PPP2R3A: variants seen among roughly 807,000 people sequenced by gnomAD.
The protein encoded by PPP2R3A is serine/threonine-protein phosphatase 2A regulatory subunit B'' subunit alpha.
PPP2R3A carries 80 observed loss-of-function variants against 106.9 expected under a neutral mutation model. The observed-to-expected ratio is 0.75, with a 90% confidence interval of 0.62 to 0.90. The LOEUF is 0.90. Ranked by LOEUF, PPP2R3A falls within the 40% of genes least tolerant of loss-of-function variation. PPP2R3A has a pLI of 0.00. For missense variants in PPP2R3A, 1,386 were observed against 1,350.4 expected, an observed-to-expected ratio of 1.03 and a Z score of -0.41; for synonymous variants, 483 against 468.3, an observed-to-expected ratio of 1.03 and a Z score of -0.41.
intron 10 of PPP2R3A, among the ~76,000 whole-genome samples, chr3:136,095,575 T>C (rs1000233704): frequency 3.9e-5 from 6 of 152,194 alleles, no homozygotes; most frequent in African/African-American, 1.4e-4. Flanking sequence ...TCTACCACTA[T>C]ATGGCCTGTC....
chr3:136,026,900 C>T lies in PPP2R3A; in HGVS notation c.2064C>T (p.Pro688=), dbSNP rs767422719. 1.9e-6 allele frequency: 3 copies of T among 1,612,876 alleles called. No homozygotes were observed. In the African/African-American group the frequency reaches 4.0e-5, roughly 22 times the overall value. ...LPPPATSPSS[P]RPLSPVPHVN... ...CTCCAGCCACCTCTCCAAGTAGTCC[C>T]CGACCTCTCTCCCCGGTTCCCCATG... is the stretch of plus-strand genomic sequence containing the variant. Residue 688 remains proline, a synonymous_variant, in exon 3 of 14, where the codon CCC becomes CCT. Transcript: ENST00000264977.
chr3:136,001,271 A>G lies in PPP2R3A; in HGVS notation c.-228A>G. On this transcript the variant is annotated 5_prime_UTR_variant, in exon 2 of 14. Coordinates refer to ENST00000264977, the MANE Select transcript of PPP2R3A (RefSeq NM_002718.5). ...ATTACTAAATAAAATTAAAAAGCAC[A>G]ATTATTAAATTATTAAATTTGCCAC... 2.1e-6 allele frequency: 1 copy of G among 471,566 alleles called. No individual in the cohort carries two copies. The highest frequency in any genetic ancestry group is 3.7e-6 in the Non-Finnish European group (1 of 270,292). The allele number at this position is 471,566 out of a possible 1,614,324, so 29.2% of individuals were successfully genotyped here.
chr3:136,022,998 G>T, intron 2 of PPP2R3A: 1 of 1,585,500 alleles, frequency 6.3e-7, no homozygotes, highest in Non-Finnish European at 8.5e-7. Flanking sequence ...TGACAAGATT[G>T]ACAACTTGCT....
chr3:136,092,377 A>G (rs1167251971), intron 10 of PPP2R3A, among the ~76,000 whole-genome samples: 1 of 152,154 alleles, frequency 6.6e-6, no homozygotes, highest in Middle Eastern at 3.2e-3. Flanking sequence ...AAGACATCCC[A>G]TGTTCATGGA....
rs1437991663 is a variant in PPP2R3A, at chr3:136,001,602, G to C, written c.104G>C (p.Cys35Ser). The change falls in exon 2 of 14, where the codon TGC (cysteine) becomes TCC (serine). Residue 35 changes from cysteine (C) to serine (S), a missense_variant. Coordinates refer to ENST00000264977, the MANE Select transcript of PPP2R3A (RefSeq NM_002718.5). The stretch of plus-strand genomic sequence containing the variant: ...GCTATACATTATTGCACTGGAACCT[G>C]CCACACCTTCACACATGGAATTGAC... ...EQAIHYCTGTCHTFTHGIDCI... is the reference protein window; with the variant it reads ...EQAIHYCTGTSHTFTHGIDCI... 3 of 1,614,176 alleles carry C rather than the reference G, an allele frequency of 1.9e-6. No individual in the cohort carries two copies. Among genetic ancestry groups the C allele is most frequent in the Non-Finnish European group, 2.5e-6 (3 of 1,180,018 alleles).
chr3:136,057,780 C>G (rs1235225716), intron 5 of PPP2R3A, among the ~76,000 whole-genome samples: 1 of 151,962 alleles, frequency 6.6e-6, no homozygotes, highest in African/African-American at 2.4e-5. Flanking sequence ...TGGTTATTAT[C>G]AAAAAGACGA....
intron 10 of PPP2R3A, among the ~76,000 whole-genome samples, chr3:136,097,634 A>G (rs1937246967): frequency 6.6e-6 from 1 of 152,228 alleles, no homozygotes; most frequent in Admixed American, 6.5e-5. Flanking sequence ...TCTATTTCAC[A>G]GTAAAATAAG....
chr3:136,047,793 T>G (rs1437387117), intron 4 of PPP2R3A, among the ~76,000 whole-genome samples: 1 of 151,938 alleles, frequency 6.6e-6, no homozygotes, highest in Non-Finnish European at 1.5e-5. Context: ...TAGTCCCAGC[T>G]ACTTGGGAGG....
At chr3:135,986,125 C>G (rs535899479) in intron 1 of PPP2R3A, among the ~76,000 whole-genome samples, 1 of 152,056 alleles carries the variant, frequency 6.6e-6, no homozygotes, top group Non-Finnish European at 1.5e-5. Context: ...AAAAGGGATA[C>G]AGGGAAAGCA....
intron 13 of PPP2R3A, among the ~76,000 whole-genome samples, chr3:136,132,173 AC>A (rs904654199): frequency 3.6e-4 from 55 of 152,222 alleles, no homozygotes; most frequent in Non-Finnish European, 7.4e-4. Context: ...TAAAAAAAAA[AC>A]GAATGCCTTT....
intron 2 of PPP2R3A, among the ~76,000 whole-genome samples, chr3:136,006,238 TTTC>T (rs1217950880): frequency 6.6e-6 from 1 of 152,218 alleles, no homozygotes; most frequent in Non-Finnish European, 1.5e-5. Flanking sequence ...TTTGATGAGA[TTTC>T]TTCTTGATAA....
At chr3:135,971,788 A>G (rs1288408571) in intron 1 of PPP2R3A, among the ~76,000 whole-genome samples, 2 of 152,300 alleles carry the variant, frequency 1.3e-5, no homozygotes, top group East Asian at 3.9e-4. Flanking sequence ...AGCTGTGGGA[A>G]TTCCATCATC....
rs920017278 is a variant in PPP2R3A at position 136,126,561 on chromosome 3, G to A, written c.3330-18482G>A. 3.4e-4 allele frequency among the ~76,000 whole-genome samples: 51 copies of A among 152,202 alleles called. 2 individuals carry two copies. The highest frequency in any genetic ancestry group is 1.0e-4 in the Non-Finnish European group (7 of 68,044). On this transcript the variant is annotated intron_variant, in intron 13 of 13. Coordinates refer to ENST00000264977, the MANE Select transcript of PPP2R3A (RefSeq NM_002718.5). ...TCTAGACTCCACCTCTATGGGCAGG[G>A]CATACCTGAACAAAAGACAGCAGAC...
chr3:136,013,797 G>A (rs1334461259), intron 2 of PPP2R3A, among the ~76,000 whole-genome samples: 1 of 109,786 alleles, frequency 9.1e-6, no homozygotes, highest in Non-Finnish European at 2.2e-5. Context: ...TTTCTTCCAC[G>A]CTGTGGTTTG....
At chr3:136,040,755 C>A in intron 3 of PPP2R3A, 104 bp from the exon 4 acceptor site, 1 of 866,672 alleles carries the variant, frequency 1.2e-6, no homozygotes, top group Non-Finnish European at 1.7e-6. Context: ...AGGGCTCTTC[C>A]ATCCACTGTG....
At chr3:136,117,859 C>T (rs1308336437) in intron 13 of PPP2R3A, among the ~76,000 whole-genome samples, 3 of 152,150 alleles carry the variant, frequency 2.0e-5, no homozygotes, top group African/African-American at 4.8e-5. Context: ...AGAGGGAATC[C>T]TCCTTAACTG....
At chr3:135,972,716 G>C (rs1937284419) in intron 1 of PPP2R3A, among the ~76,000 whole-genome samples, 1 of 152,152 alleles carries the variant, frequency 6.6e-6, no homozygotes, top group South Asian at 2.1e-4. Context: ...TACTGACGTT[G>C]AGCATCTTTT....
At chr3:135,966,127 G>C (rs990996480) in intron 1 of PPP2R3A, among the ~76,000 whole-genome samples, 2 of 152,170 alleles carry the variant, frequency 1.3e-5, no homozygotes, top group African/African-American at 4.8e-5. Context: ...CTGCCCCAGG[G>C]GCGCCCGCGG....
chr3:136,143,361 T>C (rs1441433522), intron 13 of PPP2R3A, among the ~76,000 whole-genome samples: 3 of 152,114 alleles, frequency 2.0e-5, no homozygotes, highest in South Asian at 2.1e-4. Flanking sequence ...AGTGGTGATA[T>C]ACGTCCGTAA....
Sources: gnomAD v4.1 joint callset for allele counts (sites outside exome capture counted in the v4.1 genomes callset) on GRCh38, gnomAD v4.1.1 for gene constraint, MANE v1.5 for transcripts, NCBI Gene and HGNC (gene_info 2026-07-23, HGNC 2026-07-21) for gene names.